Variants in SLIT3 observed in about 807,000 individuals in gnomAD.
The protein encoded by SLIT3 is slit guidance ligand 3.
In SLIT3, 68 loss-of-function variants were observed where a neutral mutation model predicts 184.0. The ratio of observed to expected loss-of-function variants is 0.37; its 90% CI spans 0.30 to 0.45. The LOEUF (loss-of-function observed/expected upper bound fraction) is 0.45, where lower values mean the gene tolerates loss of function less well. Among genes scored for constraint, SLIT3 ranks in the 20% least tolerant of loss-of-function variants. The pLI is 1.00. For synonymous variants in SLIT3, 831 were observed against 828.6 expected, an observed-to-expected ratio of 1.00 and a Z score of -0.05; for missense variants, 1,707 against 2,026.0, an observed-to-expected ratio of 0.84 and a Z score of 3.02.
intron 3 of SLIT3, among the ~76,000 whole-genome samples, chr5:169,215,928 T>C (rs1764420750): frequency 1.3e-5 from 2 of 152,210 alleles, no homozygotes; most frequent in Non-Finnish European, 2.9e-5. Flanking sequence ...CATTTTACAT[T>C]GATTAATTTA....
At position 168,665,620 on chromosome 5, in the gene SLIT3, C is replaced by T. The variant is rs1011857326; in HGVS notation, c.*834G>A. ...GTTTTAAAATTTGGTAAGACAGTTC[C>T]AAATGACACCTGTAGCAGACTTCAA... On this transcript the variant is annotated 3_prime_UTR_variant, in exon 36 of 36. Transcript: ENST00000519560. 3 of 152,276 alleles carry T rather than the reference C, an allele frequency of 2.0e-5. No individual in the cohort carries two copies. Among genetic ancestry groups the T allele is most frequent in the Non-Finnish European group, 2.9e-5 (2 of 68,088 alleles). 9.4% of individuals were successfully genotyped at this position (152,276 alleles called of 1,614,324 possible). A position where few individuals can be genotyped will look rare whatever the true frequency, so the allele number is the denominator to read the frequency against.
At chr5:169,083,440 G>C (rs1759151807) in intron 4 of SLIT3, among the ~76,000 whole-genome samples, 1 of 152,182 alleles carries the variant, frequency 6.6e-6, no homozygotes. Flanking sequence ...CACCAATCCA[G>C]GCTTAGCACT....
intron 4 of SLIT3, among the ~76,000 whole-genome samples, chr5:169,009,402 T>G (rs1756055496): frequency 6.6e-6 from 1 of 152,244 alleles, no homozygotes; most frequent in African/African-American, 2.4e-5. Flanking sequence ...TGTAGGAGTC[T>G]GTTTGCAAAC....
At chr5:169,127,655 T>G (rs935153754) in intron 4 of SLIT3, among the ~76,000 whole-genome samples, 1 of 152,228 alleles carries the variant, frequency 6.6e-6, no homozygotes, top group Non-Finnish European at 1.5e-5. Context: ...GGGGCTCTGG[T>G]TTCGCTTGGT....
At chr5:168,709,979 C>A (rs1354542945) in intron 25 of SLIT3, 1 of 151,950 alleles carries the variant, frequency 6.6e-6, no homozygotes, top group Non-Finnish European at 1.5e-5. Context: ...TGTGTGAAGA[C>A]CTTAAAAATA....
chr5:168,882,263 C>T, intron 5 of SLIT3, among the ~76,000 whole-genome samples: 1 of 152,230 alleles, frequency 6.6e-6, no homozygotes, highest in African/African-American at 2.4e-5. Flanking sequence ...CCAAATCAGA[C>T]CTTCTTCCCT....
chr5:168,819,513 C>A (rs1396379782), intron 7 of SLIT3, among the ~76,000 whole-genome samples: 1 of 152,132 alleles, frequency 6.6e-6, no homozygotes, highest in Non-Finnish European at 1.5e-5. Flanking sequence ...AGGTGGTTGC[C>A]CTCTTGTGCA....
chr5:168,958,688 T>A (rs1270613278), intron 4 of SLIT3, among the ~76,000 whole-genome samples: 1 of 152,210 alleles, frequency 6.6e-6, no homozygotes, highest in Non-Finnish European at 1.5e-5. Context: ...GGGAAGACTT[T>A]TCCCCCTAGA....
chr5:169,008,781 C>T lies in SLIT3; in HGVS notation c.414-125445G>A, dbSNP rs962636714. Among the ~76,000 whole-genome samples the T allele has an allele frequency of 3.2e-4, 48 of 152,218 alleles. 1 individual carries two copies. The highest frequency in any genetic ancestry group is 5.9e-5 in the Non-Finnish European group (4 of 68,020). ...TCCTCTTTTTCAAATGGAAAGTATT[C>T]CTGCCCTTCCTTTGCCTCACAGATA... On this transcript the variant is annotated intron_variant, in intron 4 of 35. Coordinates refer to ENST00000519560, the MANE Select transcript of SLIT3 (RefSeq NM_003062.4).
intron 6 of SLIT3, among the ~76,000 whole-genome samples, chr5:168,826,793 G>A (rs1396297920): frequency 6.6e-6 from 1 of 152,088 alleles, no homozygotes; most frequent in East Asian, 1.9e-4. Flanking sequence ...ACAGAGTCTC[G>A]CTGTGTCGCC....
intron 4 of SLIT3, among the ~76,000 whole-genome samples, chr5:169,003,168 C>CT (rs1755779438): frequency 6.6e-6 from 1 of 152,156 alleles, no homozygotes; most frequent in South Asian, 2.1e-4. Flanking sequence ...AAATCTAGTC[C>CT]TTTTTTCCTA....
At chr5:169,134,551 T>TA (rs1761426128) in intron 4 of SLIT3, among the ~76,000 whole-genome samples, 1 of 152,008 alleles carries the variant, frequency 6.6e-6, no homozygotes, top group East Asian at 1.9e-4. Flanking sequence ...GACCACCCTA[T>TA]AAAAAGTAGG....
At chr5:169,018,804 G>A (rs1211728842) in intron 4 of SLIT3, 4 of 152,218 alleles carry the variant, frequency 2.6e-5, no homozygotes, top group African/African-American at 9.7e-5. Context: ...GGGAAATGCA[G>A]GGGGTCTGAT....
intron 4 of SLIT3, among the ~76,000 whole-genome samples, chr5:169,112,664 G>T (rs114120582): frequency 6.6e-6 from 1 of 152,222 alleles, no homozygotes; most frequent in Non-Finnish European, 1.5e-5. Flanking sequence ...GAGCCCTGGG[G>T]AGGCTGATTC....
chr5:169,227,939 T>TA (rs1764868020), intron 3 of SLIT3, among the ~76,000 whole-genome samples: 1 of 152,184 alleles, frequency 6.6e-6, no homozygotes, highest in African/African-American at 2.4e-5. Flanking sequence ...ATTTTGGCAA[T>TA]ACAGGTGGGG....
chr5:168,732,671 C>T (rs1763323204), intron 20 of SLIT3, among the ~76,000 whole-genome samples: 1 of 152,008 alleles, frequency 6.6e-6, no homozygotes, highest in African/African-American at 2.4e-5. Flanking sequence ...AAGCCACATT[C>T]CTACAACTAA....
In SLIT3 at chr5:169,300,694, C is replaced by G; in HGVS notation, c.16G>C (p.Ala6Pro). The change falls in exon 1 of 36, where the codon GCA (alanine) becomes CCA (proline). Residue 6 changes from alanine (A) to proline (P), a missense_variant. Ala to Pro is a conservative substitution (Grantham distance 27). This residue lies in a region of SLIT3 where 1,307 missense variants were observed against 1,511.6 expected (regional missense o/e 0.86). Coordinates refer to ENST00000519560, the MANE Select transcript of SLIT3 (RefSeq NM_003062.4). The surrounding 1 kb of genome is among the most constrained non-coding windows in gnomAD (Gnocchi z 4.1). ...GCGCGCACGGCGGCGCCGACCCCTG[C>G]CCACCCGGGGGCCATGGTGTGCAGG... Reference protein sequence around the residue: MAPGWAGVGAAVRARL... With the variant: MAPGWPGVGAAVRARL... 1 of 1,372,692 alleles carries G rather than the reference C, an allele frequency of 7.3e-7. No individual in the cohort carries two copies. 85.0% of individuals were successfully genotyped at this position (1,372,692 alleles called of 1,614,324 possible). A position where few individuals can be genotyped will look rare whatever the true frequency, so the allele number is the denominator to read the frequency against.
intron 10 of SLIT3, among the ~76,000 whole-genome samples, chr5:168,794,440 C>T (rs1561936687): frequency 6.6e-6 from 1 of 152,142 alleles, no homozygotes; most frequent in Non-Finnish European, 1.5e-5. Context: ...GAGCAGTGCT[C>T]AAGGTCGTCA....
intron 4 of SLIT3, among the ~76,000 whole-genome samples, chr5:169,167,243 T>C (rs1762668972): frequency 1.3e-5 from 2 of 151,416 alleles, no homozygotes; most frequent in African/African-American, 4.9e-5. Flanking sequence ...GAATGACTTC[T>C]TGGTTCCAGG....
Sources: gnomAD v4.1 joint callset for allele counts (sites outside exome capture counted in the v4.1 genomes callset) on GRCh38, gnomAD v4.1.1 for gene constraint, gnomAD v4.1.1 regional missense constraint, Gnocchi (gnomAD v3.1) non-coding constraint, MANE v1.5 for transcripts, NCBI Gene and HGNC (gene_info 2026-07-23, HGNC 2026-07-21) for gene names.